The following IL33 variants were observed in gnomAD, a reference collection of about 807,000 sequenced individuals.
IL33 encodes the protein interleukin-33.
IL33 carries 37 observed loss-of-function variants against 27.3 expected under a neutral mutation model. The observed-to-expected ratio is 1.36, with a 90% CI of 1.04 to 1.78. The LOEUF is 1.78. IL33 is among the 40% of genes most tolerant of loss of function. The probability of loss-of-function intolerance (pLI) is 0.00; values close to 1 mark genes in which losing one functional copy is unlikely to be tolerated. For missense variants in IL33, 406 were observed against 311.4 expected (o/e 1.30, Z -2.29); for synonymous variants, 132 against 102.9 (o/e 1.28, Z -1.71).
In IL33 at chr9:6,257,527, A is replaced by G. The variant is rs1313904518; in HGVS notation, c.*1359A>G. Reference sequence around the variant, plus strand: ...AGGGCAATAAAATTTATACTCAACCATATAATAACATTTTTTAACTACTAA... The same window carrying G: ...AGGGCAATAAAATTTATACTCAACCGTATAATAACATTTTTTAACTACTAA... On this transcript the variant is annotated 3_prime_UTR_variant, in exon 8 of 8. Coordinates refer to ENST00000682010, the MANE Select transcript of IL33 (RefSeq NM_033439.4). 1 of 152,642 alleles carries G rather than the reference A, an allele frequency of 6.6e-6. No homozygotes were observed. The highest frequency in any genetic ancestry group is 1.5e-5 in the Non-Finnish European group (1 of 68,028). The allele number at this position is 152,642 out of a possible 1,614,324, so 9.5% of individuals were successfully genotyped here. A position where few individuals can be genotyped will look rare whatever the true frequency, so the allele number is the denominator to read the frequency against.
intron 2 of IL33, among the ~76,000 whole-genome samples, chr9:6,246,803 C>T (rs1159271486): frequency 6.6e-6 from 1 of 152,212 alleles, no homozygotes; most frequent in Non-Finnish European, 1.5e-5. Flanking sequence ...TCATCAGCTA[C>T]AGCCCCTCAA....
At chr9:6,226,306 A>C (rs1818626056) in intron 1 of IL33, among the ~76,000 whole-genome samples, 1 of 151,794 alleles carries the variant, frequency 6.6e-6, no homozygotes. Flanking sequence ...TTGAGCCACC[A>C]CCCCCAGCCC....
rs184923177 is a variant in IL33, at chr9:6,239,407, G to A, written c.-11-2277G>A. Among the ~76,000 whole-genome samples, 11 of 152,204 alleles carry A rather than the reference G, an allele frequency of 7.2e-5. No individual in the cohort carries two copies. The East Asian group carries it at 1.7e-3, about 24-fold the overall frequency. On this transcript the variant is annotated intron_variant, in intron 1 of 7. Coordinates refer to ENST00000682010, the MANE Select transcript of IL33 (RefSeq NM_033439.4). ...AGTAAGGGAAGTCAAACAACATGAA[G>A]TAACTTAGGCTACGAGCCCACATGC...
chr9:6,253,652 G>A (rs773876790), intron 6 of IL33, 50 bp downstream of exon 6: 19 of 1,439,402 alleles, frequency 1.3e-5, no homozygotes, highest in Non-Finnish European at 1.8e-5. Flanking sequence ...TAAGTATGGG[G>A]TAAAGATAAA....
At chr9:6,255,294 G>T (rs1295075459) in intron 7 of IL33, among the ~76,000 whole-genome samples, 1 of 152,040 alleles carries the variant, frequency 6.6e-6, no homozygotes, top group Non-Finnish European at 1.5e-5. Context: ...GCCATGTAAG[G>T]CCTTATTAAC....
At chr9:6,239,844 T>G (rs544952998) in intron 1 of IL33, among the ~76,000 whole-genome samples, 93 of 152,278 alleles carry the variant, frequency 6.1e-4, no homozygotes, top group Middle Eastern at 6.8e-3. Context: ...AACAGGATGT[T>G]CCATGTTCAC....
At chr9:6,238,709 T>G (rs777859741) in intron 1 of IL33, among the ~76,000 whole-genome samples, 1 of 152,174 alleles carries the variant, frequency 6.6e-6, no homozygotes, top group Non-Finnish European at 1.5e-5. Context: ...TGTTTGTTTG[T>G]TTGTAGTGTG....
chr9:6,244,962 T>C (rs1819742651), intron 2 of IL33, among the ~76,000 whole-genome samples: 1 of 152,202 alleles, frequency 6.6e-6, no homozygotes, highest in African/African-American at 2.4e-5. Context: ...GCATTTTGCC[T>C]CTAATGCCAG....
intron 1 of IL33, among the ~76,000 whole-genome samples, chr9:6,224,994 CCT>C (rs1208377767): frequency 6.6e-6 from 1 of 152,070 alleles, no homozygotes; most frequent in Non-Finnish European, 1.5e-5. Flanking sequence ...CTCAGCAAAG[CCT>C]TTGTATATGC....
intron 1 of IL33, among the ~76,000 whole-genome samples, chr9:6,234,614 G>A (rs1184370342): frequency 6.6e-6 from 1 of 152,240 alleles, no homozygotes; most frequent in African/African-American, 2.4e-5. Context: ...ACACCAACCT[G>A]CAAGGACTCT....
At chr9:6,251,646 T>C (rs1377694589) in intron 4 of IL33, among the ~76,000 whole-genome samples, 1 of 152,148 alleles carries the variant, frequency 6.6e-6, no homozygotes, top group African/African-American at 2.4e-5. Context: ...TAACACTTTA[T>C]ACATTTTAAG....
intron 6 of IL33, among the ~76,000 whole-genome samples, chr9:6,254,228 C>A (rs1283235005): frequency 6.6e-6 from 1 of 152,166 alleles, no homozygotes; most frequent in Non-Finnish European, 1.5e-5. Flanking sequence ...CCATTAGGGT[C>A]ACAACTCTCC....
intron 7 of IL33, 31 bp from the exon 8 acceptor site, chr9:6,255,937 A>G (rs776251149): frequency 1.3e-5 from 21 of 1,581,660 alleles, no homozygotes; most frequent in African/African-American, 2.7e-5. Context: ...TCCCATTCAC[A>G]TATGGATTGC....
At chr9:6,250,649 C>A in intron 3 of IL33, 50 bp downstream of exon 3, 1 of 1,574,686 alleles carries the variant, frequency 6.4e-7, no homozygotes, top group South Asian at 1.2e-5. Flanking sequence ...ATCTGTTTGC[C>A]TTCACTTACC....
chr9:6,251,680 T>C lies in IL33; in HGVS notation c.343+415T>C, dbSNP rs78589742. On this transcript the variant is annotated intron_variant, in intron 4 of 7. Coordinates refer to ENST00000682010, the MANE Select transcript of IL33 (RefSeq NM_033439.4). ...AGTAGTAGTTAAGATGGTTTTAAAT[T>C]TTATCACTTCCTTGTATAAGGTTCC... is the stretch of plus-strand genomic sequence containing the variant. 5.9e-5 allele frequency among the ~76,000 whole-genome samples: 9 copies of C among 152,034 alleles called. No individual in the cohort carries two copies. In the East Asian group the frequency reaches 1.4e-3, roughly 23 times the overall value.
rs563731941 is a variant in IL33 at position 6,256,305 on chromosome 9, T to C, written c.*137T>C. ...CATGTGTGGAATGTTTTCCATATTA[T>C]GTATAAAAATATTTTTTCTAATCCT... On this transcript the variant is annotated 3_prime_UTR_variant, in exon 8 of 8. Coordinates refer to ENST00000682010, the MANE Select transcript of IL33 (RefSeq NM_033439.4). 7.9e-5 allele frequency: 49 copies of C among 621,850 alleles called. No homozygotes were observed. In the South Asian group the frequency reaches 9.1e-4, roughly 12 times the overall value. The allele number at this position is 621,850 out of a possible 1,614,324, so 38.5% of individuals were successfully genotyped here. A position where few individuals can be genotyped will look rare whatever the true frequency, so the allele number is the denominator to read the frequency against.
At chr9:6,217,015 G>C (rs535639879) in intron 1 of IL33, among the ~76,000 whole-genome samples, 2 of 152,238 alleles carry the variant, frequency 1.3e-5, no homozygotes, top group East Asian at 3.9e-4. Flanking sequence ...TTGGAGGCTA[G>C]GGTTTTTCAA....
intron 1 of IL33, among the ~76,000 whole-genome samples, chr9:6,239,801 C>T (rs958167606): frequency 1.3e-5 from 2 of 152,118 alleles, no homozygotes; most frequent in African/African-American, 4.8e-5. Context: ...CAACTAGCCT[C>T]ACTAGTTTTT....
At chr9:6,217,607 G>C (rs1397436592) in intron 1 of IL33, among the ~76,000 whole-genome samples, 2 of 152,096 alleles carry the variant, frequency 1.3e-5, no homozygotes, top group African/African-American at 2.4e-5. Flanking sequence ...ATAAACTTTT[G>C]TGGAAAAACA....
Sources: gnomAD v4.1 joint callset for allele counts (sites outside exome capture counted in the v4.1 genomes callset) on GRCh38, gnomAD v4.1.1 for gene constraint, MANE v1.5 for transcripts, NCBI Gene and HGNC (gene_info 2026-07-23, HGNC 2026-07-21) for gene names.